The following GLYATL1B variants were observed in gnomAD, a reference collection of about 807,000 sequenced individuals.
The protein encoded by GLYATL1B is putative glycine N-acyltransferase-like protein 1B.
A neutral mutation model predicts 5.5 loss-of-function variants in GLYATL1B; 6 were observed. The observed-to-expected ratio is 1.09, with a 90% CI of 0.60 to 2.15. GLYATL1B has a LOEUF of 2.15. Ranked by LOEUF, GLYATL1B falls within the 30% of genes most tolerant of loss-of-function variation. The pLI, the probability that GLYATL1B is intolerant of heterozygous loss-of-function variation, is 0.00. For missense variants in GLYATL1B, 135 were observed against 94.1 expected (o/e 1.43, Z -1.80); for synonymous variants, 67 against 34.9 (o/e 1.92, Z -3.24).
intron 2 of GLYATL1B, among the ~76,000 whole-genome samples, chr11:59,092,661 C>A (rs762425231): frequency 6.6e-6 from 1 of 152,214 alleles, no homozygotes; most frequent in Non-Finnish European, 1.5e-5. Context: ...AACAGATACT[C>A]ATCGTCCCAT....
chr11:59,093,900 G>A lies in GLYATL1B; in HGVS notation c.314-34G>A, dbSNP rs914730512. The A allele has an allele frequency of 2.9e-5, 19 of 644,632 alleles. No homozygotes were observed. The African/African-American group carries it at 3.0e-4, about 10-fold the overall frequency. 39.9% of individuals were successfully genotyped at this position (644,632 alleles called of 1,614,324 possible). ...GAGCAGTGTAAGTAGAGAACTGCAT[G>A]TCTGACAATATTGCTTTCTTGGCTT... On this transcript the variant is annotated intron_variant, in intron 3 of 4. Transcript: ENST00000527482.
At chr11:59,086,457 C>G (rs992418439) in intron 1 of GLYATL1B, 73 bp downstream of exon 1, 13 of 397,058 alleles carry the variant, frequency 3.3e-5, no homozygotes, top group African/African-American at 2.1e-4. Context: ...GCTCATGAAT[C>G]TCGTCCTTCC....
At chr11:59,087,403 G>C (rs1208240829) in intron 2 of GLYATL1B, among the ~76,000 whole-genome samples, 1 of 152,130 alleles carries the variant, frequency 6.6e-6, no homozygotes, top group Non-Finnish European at 1.5e-5. Context: ...AAAGGACAAA[G>C]CTGACACTCA....
intron 2 of GLYATL1B, among the ~76,000 whole-genome samples, chr11:59,091,841 A>C (rs1859318988): frequency 6.6e-6 from 1 of 152,210 alleles, no homozygotes; most frequent in Admixed American, 6.5e-5. Context: ...ATTGGATAAA[A>C]AAACTTGGTA....
chr11:59,088,539 G>A (rs1031414839), intron 2 of GLYATL1B, among the ~76,000 whole-genome samples: 2 of 152,144 alleles, frequency 1.3e-5, no homozygotes, highest in Non-Finnish European at 2.9e-5. Context: ...TAGTTTACTT[G>A]ATCCATGGTC....
intron 2 of GLYATL1B, among the ~76,000 whole-genome samples, chr11:59,089,228 T>C (rs1859257174): frequency 6.6e-6 from 1 of 152,244 alleles, no homozygotes; most frequent in African/African-American, 2.4e-5. Context: ...ATAGAGTCAA[T>C]GCAATGCTAT....
intron 2 of GLYATL1B, among the ~76,000 whole-genome samples, chr11:59,090,311 T>C (rs922439780): frequency 2.0e-5 from 3 of 151,994 alleles, no homozygotes; most frequent in African/African-American, 4.8e-5. Flanking sequence ...TTCCCCAATT[T>C]CCCCAACTAA....
At chr11:59,090,124 C>CAT (rs1467699403) in intron 2 of GLYATL1B, among the ~76,000 whole-genome samples, 1 of 151,966 alleles carries the variant, frequency 6.6e-6, no homozygotes, top group African/African-American at 2.4e-5. Context: ...TGTCATATAA[C>CAT]TTTTATATAT....
intron 2 of GLYATL1B, among the ~76,000 whole-genome samples, chr11:59,089,871 G>T (rs1335700052): frequency 6.6e-6 from 1 of 151,968 alleles, no homozygotes; most frequent in Non-Finnish European, 1.5e-5. Context: ...GGCTTTGGGA[G>T]TTTTTTTGTT....
chr11:59,093,484 G>T (rs560093490), intron 2 of GLYATL1B, 45 bp from the exon 3 acceptor site: 101 of 473,934 alleles, frequency 2.1e-4, no homozygotes, highest in Middle Eastern at 6.1e-4. Context: ...GAGAGGAGAA[G>T]AAAAAGTTCA....
At chr11:59,089,398 A>C (rs2849745) in intron 2 of GLYATL1B, among the ~76,000 whole-genome samples, 5 of 152,340 alleles carry the variant, frequency 3.3e-5, no homozygotes, top group East Asian at 1.9e-4. Context: ...GTCAGAGCTT[A>C]TCTTATCCTA....
At chr11:59,087,787 G>GCTCACAA (rs1859221388) in intron 2 of GLYATL1B, among the ~76,000 whole-genome samples, 1 of 152,114 alleles carries the variant, frequency 6.6e-6, no homozygotes, top group Admixed American at 6.5e-5. Context: ...GGTTGAGGCT[G>GCTCACAA]CAGTGAGCCA....
intron 1 of GLYATL1B, 68 bp from the exon 2 acceptor site, chr11:59,086,996 C>G (rs1308498073): frequency 5.8e-6 from 3 of 513,878 alleles, no homozygotes; most frequent in Non-Finnish European, 1.0e-5. Context: ...TTTTCTCTTC[C>G]TCTTCACATA....
rs555477759 is a variant in GLYATL1B, at chr11:59,094,370, G to A, written c.493G>A (p.Glu165Lys). The change falls in exon 5 of 5, where the codon GAG becomes AAG. Residue 165 changes from glutamate (E) to lysine (K), a missense_variant and splice_region_variant. Coordinates refer to ENST00000527482, the MANE Select transcript of GLYATL1B (RefSeq NM_001355566.1). The part of the protein sequence containing the change: ...TGHPDDELES[E>K]TPNFKYAQLN... The stretch of plus-strand genomic sequence containing the variant: ...TGTCTTTCTTTTTGTTTTCTACAGC[G>A]AGACTCCGAACTTTAAGTATGCCCA... The A allele has an allele frequency of 1.3e-5, 7 of 536,162 alleles. No homozygotes were observed. The highest frequency in any genetic ancestry group is 9.2e-5 in the East Asian group (3 of 32,658). 33.2% of individuals were successfully genotyped at this position (536,162 alleles called of 1,614,324 possible).
chr11:59,089,280 A>T (rs1859258463), intron 2 of GLYATL1B, among the ~76,000 whole-genome samples: 1 of 152,170 alleles, frequency 6.6e-6, no homozygotes, highest in Non-Finnish European at 1.5e-5. Flanking sequence ...AATTGTTCAT[A>T]CTTCTTTGCC....
intron 1 of GLYATL1B, 125 bp downstream of exon 1, chr11:59,086,509 T>C (rs1475061187): frequency 1.3e-5 from 5 of 394,284 alleles, no homozygotes; most frequent in Non-Finnish European, 2.2e-5. Context: ...CAGGATGGGG[T>C]TGGGGACAAA....
chr11:59,092,439 T>C (rs1859335009), intron 2 of GLYATL1B, among the ~76,000 whole-genome samples: 1 of 152,226 alleles, frequency 6.6e-6, no homozygotes, highest in South Asian at 2.1e-4. Context: ...AATCCGGTCT[T>C]TTAAAACATC....
At chr11:59,093,388 A>G in intron 2 of GLYATL1B, 141 bp from the exon 3 acceptor site, 1 of 380,122 alleles carries the variant, frequency 2.6e-6, no homozygotes, top group Non-Finnish European at 4.7e-6. Context: ...TCTCACTTAT[A>G]TTATCCACGT....
chr11:59,091,413 C>T (rs901906007), intron 2 of GLYATL1B, among the ~76,000 whole-genome samples: 1 of 152,154 alleles, frequency 6.6e-6, no homozygotes, highest in Non-Finnish European at 1.5e-5. Context: ...TTGCATGATG[C>T]TGAGTCTTGG....
Sources: gnomAD v4.1 joint callset for allele counts (sites outside exome capture counted in the v4.1 genomes callset) on GRCh38, gnomAD v4.1.1 for gene constraint, MANE v1.5 for transcripts, NCBI Gene and HGNC (gene_info 2026-07-23, HGNC 2026-07-21) for gene names.